The following GPR39 variants were observed in gnomAD, a reference collection of about 807,000 sequenced individuals.
The protein encoded by GPR39 is zinc sensing receptor.
Under a neutral mutation model 18.4 loss-of-function variants are expected in GPR39, and 23 were observed. The ratio of observed to expected loss-of-function variants is 1.25; its 90% CI spans 0.90 to 1.77. The LOEUF is 1.77. GPR39 is among the 40% of genes most tolerant of loss of function. GPR39 has a pLI of 0.00. For missense variants in GPR39, 647 were observed against 602.4 expected (o/e 1.07, Z -0.78); for synonymous variants, 280 against 257.9 (o/e 1.09, Z -0.82).
intron 1 of GPR39, among the ~76,000 whole-genome samples, chr2:132,534,920 C>T (rs1274806559): frequency 1.3e-5 from 2 of 152,006 alleles, no homozygotes; most frequent in Non-Finnish European, 2.9e-5. Flanking sequence ...AGCACACCAA[C>T]ATGGCACATG....
intron 1 of GPR39, among the ~76,000 whole-genome samples, chr2:132,550,257 G>A (rs1487870275): frequency 6.6e-6 from 1 of 152,216 alleles, no homozygotes; most frequent in Non-Finnish European, 1.5e-5. Context: ...TTTAAAAAGA[G>A]AAAATAGATG....
At chr2:132,418,144 T>C (rs13392956) in intron 1 of GPR39, among the ~76,000 whole-genome samples, 33,683 of 152,114 alleles carry the variant, frequency 0.22, 3,939 homozygotes, top group African/African-American at 0.28. Context: ...CCCAGAAGGT[T>C]TGGGTATATT....
intron 1 of GPR39, among the ~76,000 whole-genome samples, chr2:132,424,433 G>A (rs1680075022): frequency 6.6e-6 from 1 of 152,198 alleles, no homozygotes; most frequent in Non-Finnish European, 1.5e-5. Context: ...GTAGGAATAA[G>A]CAGCTACTGC....
chr2:132,455,469 T>C (rs1330358557), intron 1 of GPR39, among the ~76,000 whole-genome samples: 1 of 152,208 alleles, frequency 6.6e-6, no homozygotes, highest in East Asian at 1.9e-4. Context: ...GTTTTTTGTT[T>C]CTCTATCTCT....
intron 1 of GPR39, among the ~76,000 whole-genome samples, chr2:132,456,479 T>A (rs1268960777): frequency 6.6e-6 from 1 of 152,206 alleles, no homozygotes; most frequent in Non-Finnish European, 1.5e-5. Flanking sequence ...CCCATTTACA[T>A]TTAAGGGTAA....
chr2:132,542,751 C>G (rs2104787059), intron 1 of GPR39, among the ~76,000 whole-genome samples: 1 of 151,832 alleles, frequency 6.6e-6, no homozygotes, highest in East Asian at 1.9e-4. Flanking sequence ...CCTCACTTAA[C>G]AGAAGCTTGG....
chr2:132,530,120 G>A (rs955902022), intron 1 of GPR39, among the ~76,000 whole-genome samples: 1 of 152,054 alleles, frequency 6.6e-6, no homozygotes, highest in Non-Finnish European at 1.5e-5. Flanking sequence ...AAAATTAGAC[G>A]AATGGCTAAC....
chr2:132,544,695 A>G (rs540150209), intron 1 of GPR39, among the ~76,000 whole-genome samples: 7 of 152,192 alleles, frequency 4.6e-5, no homozygotes, highest in Non-Finnish European at 8.8e-5. Flanking sequence ...CCAGCATTAC[A>G]GCTTGTATCT....
At chr2:132,451,736 G>T (rs1680635977) in intron 1 of GPR39, among the ~76,000 whole-genome samples, 1 of 151,946 alleles carries the variant, frequency 6.6e-6, no homozygotes, top group Non-Finnish European at 1.5e-5. Flanking sequence ...GATATCTTTT[G>T]ACTTCTTAGC....
At chr2:132,427,762 A>T (rs867009178) in intron 1 of GPR39, among the ~76,000 whole-genome samples, 2 of 150,138 alleles carry the variant, frequency 1.3e-5, no homozygotes, top group South Asian at 2.1e-4. Flanking sequence ...CACAGACATG[A>T]TCATAGTGTC....
chr2:132,615,936 CTTTT>C (rs35978559), intron 1 of GPR39, among the ~76,000 whole-genome samples: 22 of 134,092 alleles, frequency 1.6e-4, no homozygotes, highest in African/African-American at 1.4e-4. Flanking sequence ...CATTCCAGCT[CTTTT>C]TTTTTTTTTT....
At chr2:132,614,059 C>T (rs927609053) in intron 1 of GPR39, among the ~76,000 whole-genome samples, 6 of 152,118 alleles carry the variant, frequency 3.9e-5, no homozygotes, top group South Asian at 2.1e-4. Flanking sequence ...ACGCCTAAAG[C>T]CAAAACTAAT....
At chr2:132,423,570 T>C (rs947748798) in intron 1 of GPR39, among the ~76,000 whole-genome samples, 1 of 152,152 alleles carries the variant, frequency 6.6e-6, no homozygotes, top group African/African-American at 2.4e-5. Flanking sequence ...GTATGGGTTG[T>C]TTCCTCTGCC....
chr2:132,494,583 G>A (rs757239350), intron 1 of GPR39, among the ~76,000 whole-genome samples: 9 of 152,030 alleles, frequency 5.9e-5, no homozygotes, highest in Non-Finnish European at 8.8e-5. Flanking sequence ...TTCATCACAC[G>A]GACACTATGC....
At chr2:132,419,145 CAG>C (rs1349612622) in intron 1 of GPR39, among the ~76,000 whole-genome samples, 7 of 152,188 alleles carry the variant, frequency 4.6e-5, no homozygotes, top group Admixed American at 6.5e-5. Context: ...TCAAAGTACT[CAG>C]AGGCAGCCAT....
intron 1 of GPR39, among the ~76,000 whole-genome samples, chr2:132,462,658 G>A (rs1680855705): frequency 6.6e-6 from 1 of 151,920 alleles, no homozygotes; most frequent in Non-Finnish European, 1.5e-5. Context: ...TTTTCTTTGT[G>A]CAGCTGTCTA....
At chr2:132,422,172 C>T (rs547996658) in intron 1 of GPR39, among the ~76,000 whole-genome samples, 5 of 152,156 alleles carry the variant, frequency 3.3e-5, no homozygotes, top group Non-Finnish European at 2.9e-5. Flanking sequence ...GGCCTCTCTT[C>T]ATTCTTTGTT....
At chr2:132,506,293 T>G (rs1377089431) in intron 1 of GPR39, among the ~76,000 whole-genome samples, 1 of 152,244 alleles carries the variant, frequency 6.6e-6, no homozygotes, top group African/African-American at 2.4e-5. Context: ...TTTTATATTC[T>G]GAATATTAGT....
intron 1 of GPR39, among the ~76,000 whole-genome samples, chr2:132,569,810 GAGTGAA>G (rs1401654574): frequency 8.1e-4 from 123 of 151,498 alleles, no homozygotes; most frequent in African/African-American, 2.8e-3. Context: ...ATTAACTTTA[GAGTGAA>G]TAAATTTCAT....
Sources: allele counts gnomAD v4.1 joint callset (sites outside exome capture counted in the v4.1 genomes callset), GRCh38; gene constraint gnomAD v4.1.1; transcripts MANE v1.5; gene names NCBI Gene and HGNC (gene_info 2026-07-23, HGNC 2026-07-21).